The following LEPR variants were observed in gnomAD, a reference collection of about 807,000 sequenced individuals.
The protein encoded by LEPR is OB receptor.
Under a neutral mutation model 114.7 loss-of-function variants are expected in LEPR, and 56 were observed. The ratio of observed to expected loss-of-function variants is 0.49; its 90% CI spans 0.39 to 0.61. The LOEUF is 0.61. Among genes scored for constraint, LEPR ranks in the 20% least tolerant of loss-of-function variants. The probability of loss-of-function intolerance (pLI) is 0.00; values close to 1 mark genes in which losing one functional copy is unlikely to be tolerated. For missense variants in LEPR, 1,202 were observed against 1,352.9 expected (o/e 0.89, Z 1.75); for synonymous variants, 443 against 461.4 (o/e 0.96, Z 0.51).
chr1:65,473,555 A>G (rs1647117094), intron 2 of LEPR, among the ~76,000 whole-genome samples: 1 of 152,218 alleles, frequency 6.6e-6, no homozygotes, highest in Non-Finnish European at 1.5e-5. Flanking sequence ...TTTACATAAT[A>G]ACAGCAGCAT....
At chr1:65,571,303 AC>A (rs1352861699) in intron 4 of LEPR, among the ~76,000 whole-genome samples, 2 of 152,142 alleles carry the variant, frequency 1.3e-5, no homozygotes, top group African/African-American at 4.8e-5. Flanking sequence ...TATTTAACTA[AC>A]CTGCACATCC....
chr1:65,632,291 C>G (rs1447851684), intron 19 of LEPR, among the ~76,000 whole-genome samples: 3 of 152,102 alleles, frequency 2.0e-5, no homozygotes, highest in Non-Finnish European at 4.4e-5. Context: ...GCCATCTCCC[C>G]TATGCCCAGA....
intron 1 of LEPR, among the ~76,000 whole-genome samples, chr1:65,421,894 G>A (rs1646258686): frequency 6.6e-6 from 1 of 152,194 alleles, no homozygotes; most frequent in Non-Finnish European, 1.5e-5. Context: ...AATGGAAACG[G>A]ACTAAGGGAA....
intron 7 of LEPR, among the ~76,000 whole-genome samples, chr1:65,596,945 C>T (rs1656104816): frequency 6.6e-6 from 1 of 151,998 alleles, no homozygotes; most frequent in South Asian, 2.1e-4. Flanking sequence ...TCTGAATCTT[C>T]TGCTAGCCCG....
Position 65,602,520 on chromosome 1 carries a change from G to A in LEPR, c.1403+560G>A, listed in dbSNP as rs139185380. On this transcript the variant is annotated intron_variant, in intron 10 of 19. Transcript: ENST00000349533. Reference sequence around the variant, plus strand: ...TGTTTTAAAAAGAATTCAAGGCATCGTCTTATAGTGGTCCCTTTCTTTCTA... The same window carrying A: ...TGTTTTAAAAAGAATTCAAGGCATCATCTTATAGTGGTCCCTTTCTTTCTA... Among the ~76,000 whole-genome samples the A allele has an allele frequency of 2.3e-3, 351 of 152,032 alleles. 1 individual carries two copies. Among genetic ancestry groups the A allele is most frequent in the African/African-American group, 7.8e-3 (325 of 41,526 alleles).
At chr1:65,546,618 T>C (rs1291629718) in intron 2 of LEPR, among the ~76,000 whole-genome samples, 1 of 152,182 alleles carries the variant, frequency 6.6e-6, no homozygotes, top group East Asian at 1.9e-4. Flanking sequence ...TTGTCTGTTA[T>C]TGGTGTATAA....
chr1:65,527,170 T>C (rs1650031732), intron 2 of LEPR, among the ~76,000 whole-genome samples: 1 of 152,264 alleles, frequency 6.6e-6, no homozygotes, highest in African/African-American at 2.4e-5. Context: ...TTCCTATCAA[T>C]TATTGTTCTT....
intron 2 of LEPR, among the ~76,000 whole-genome samples, chr1:65,502,423 C>T (rs1322680255): frequency 2.7e-5 from 4 of 146,284 alleles, no homozygotes; most frequent in Non-Finnish European, 6.0e-5. Context: ...TTTAAGCCAC[C>T]CAGACTGGCA....
Position 65,430,682 on chromosome 1 carries a change from G to A in LEPR, c.-21+5304G>A, listed in dbSNP as rs534258350. 6.6e-5 allele frequency among the ~76,000 whole-genome samples: 10 copies of A among 151,752 alleles called. No homozygotes were observed. In the South Asian group the frequency reaches 1.2e-3, roughly 19 times the overall value. ...TTGAGGCATTGAATATCAGATAAGC[G>A]CAAGTCTTGTTCATTCAATAAATAT... is the stretch of plus-strand genomic sequence containing the variant. On this transcript the variant is annotated intron_variant, in intron 2 of 19. Coordinates refer to ENST00000349533, the MANE Select transcript of LEPR (RefSeq NM_002303.6).
intron 11 of LEPR, among the ~76,000 whole-genome samples, chr1:65,605,563 A>G (rs1428387403): frequency 6.6e-6 from 1 of 152,082 alleles, no homozygotes; most frequent in Non-Finnish European, 1.5e-5. Flanking sequence ...TGTAGTTATG[A>G]AAACATGTAA....
At chr1:65,566,080 A>C (rs1245675981) in intron 3 of LEPR, among the ~76,000 whole-genome samples, 1 of 152,140 alleles carries the variant, frequency 6.6e-6, no homozygotes, top group Non-Finnish European at 1.5e-5. Flanking sequence ...ATATATATAA[A>C]ATTATTAGTC....
chr1:65,520,831 G>T (rs1469226180), intron 2 of LEPR, among the ~76,000 whole-genome samples: 4 of 152,264 alleles, frequency 2.6e-5, no homozygotes, highest in African/African-American at 9.6e-5. Flanking sequence ...GATGGGTTGG[G>T]CTAGTTATCT....
chr1:65,625,754 T>C (rs1279634153), intron 19 of LEPR, among the ~76,000 whole-genome samples: 1 of 152,134 alleles, frequency 6.6e-6, no homozygotes, highest in Non-Finnish European at 1.5e-5. Context: ...GGTGTCCAGC[T>C]AAGTACCTGC....
At position 65,639,198 on chromosome 1, in the gene LEPR, G is replaced by A. The variant is rs74651494; in HGVS notation, c.*2183G>A. ...GTCCCAGGACCACTGTAGTGCTGTA[G>A]GTCTGTGTAAAGAAATGTAGTGACA... On this transcript the variant is annotated 3_prime_UTR_variant, in exon 20 of 20. Transcript: ENST00000349533. 61 of 152,268 alleles carry A rather than the reference G, an allele frequency of 4.0e-4. No homozygotes were observed. Among genetic ancestry groups the A allele is most frequent in the African/African-American group, 1.4e-3 (57 of 41,548 alleles). The allele number at this position is 152,268 out of a possible 1,614,324, so 9.4% of individuals were successfully genotyped here.
intron 2 of LEPR, among the ~76,000 whole-genome samples, chr1:65,510,193 A>C (rs1282069681): frequency 6.6e-6 from 1 of 152,184 alleles, no homozygotes. Flanking sequence ...AAGACCATCT[A>C]CATATCTCCC....
At chr1:65,441,769 C>T (rs2100283684) in intron 2 of LEPR, among the ~76,000 whole-genome samples, 1 of 152,258 alleles carries the variant, frequency 6.6e-6, no homozygotes, top group Non-Finnish European at 1.5e-5. Context: ...GGGCTGGAGC[C>T]TGAGGCTAAA....
intron 7 of LEPR, 39 bp from the exon 8 acceptor site, chr1:65,598,621 C>G: frequency 6.2e-7 from 1 of 1,610,658 alleles, no homozygotes; most frequent in Admixed American, 1.7e-5. Flanking sequence ...GGTTCCACAT[C>G]AACTTGATGT....
At chr1:65,538,378 G>A (rs1650926756) in intron 2 of LEPR, among the ~76,000 whole-genome samples, 1 of 151,972 alleles carries the variant, frequency 6.6e-6, no homozygotes, top group East Asian at 1.9e-4. Context: ...CTGCTATCTG[G>A]ACTAGTCATT....
In LEPR at chr1:65,570,587, G is replaced by A. The variant is rs764219691; in HGVS notation, c.155G>A (p.Gly52Glu). ...TATGACTACTTCCTTTTGCCTGCTG[G>A]ACTCTCAAAGAATACTTCAAATTCG... is the stretch of plus-strand genomic sequence containing the variant. Reference protein sequence around the residue: ...STYDYFLLPAGLSKNTSNSNG... With the variant: ...STYDYFLLPAELSKNTSNSNG... Residue 52 changes from glycine (G) to glutamate (E), a missense_variant, in exon 4 of 20, where the codon GGA becomes GAA. By Grantham distance (98) the Gly-to-Glu change is moderately conservative (BLOSUM62 -2). Transcript: ENST00000349533. 1 of 1,613,896 alleles carries A rather than the reference G, an allele frequency of 6.2e-7. No individual in the cohort carries two copies. The highest frequency in any genetic ancestry group is 2.2e-5 in the East Asian group (1 of 44,814).
Sources: allele counts gnomAD v4.1 joint callset (sites outside exome capture counted in the v4.1 genomes callset), GRCh38; gene constraint gnomAD v4.1.1; transcripts MANE v1.5; gene names NCBI Gene and HGNC (gene_info 2026-07-23, HGNC 2026-07-21).